ZNF341: variants seen among roughly 807,000 people sequenced by gnomAD.
ZNF341 encodes zinc finger protein 341.
A neutral mutation model predicts 87.7 loss-of-function variants in ZNF341; 52 were observed. The ratio of observed to expected loss-of-function variants is 0.59; its 90% CI spans 0.47 to 0.75. The LOEUF is 0.75. Ranked by LOEUF, ZNF341 falls within the 30% of genes least tolerant of loss-of-function variation. The probability of loss-of-function intolerance (pLI) is 0.00; values close to 1 mark genes in which losing one functional copy is unlikely to be tolerated. For missense variants in ZNF341, 977 were observed against 1,145.9 expected, an observed-to-expected ratio of 0.85 and a Z score of 2.13; for synonymous variants, 459 against 472.7, an observed-to-expected ratio of 0.97 and a Z score of 0.38.
rs576074591 is a variant in ZNF341 at position 33,733,059 on chromosome 20, T to G, written c.31+1007T>G. On this transcript the variant is annotated intron_variant, in intron 1 of 14. Coordinates refer to ENST00000375200, the MANE Select transcript of ZNF341 (RefSeq NM_001282933.2). Reference sequence around the variant, plus strand: ...CTCAGCCACTCCCTGCACTTTTTAATTTTTTGAGACGGAGTCTCACTCTGT... The same window carrying G: ...CTCAGCCACTCCCTGCACTTTTTAAGTTTTTGAGACGGAGTCTCACTCTGT... Among the ~76,000 whole-genome samples, 7 of 152,242 alleles carry G rather than the reference T, an allele frequency of 4.6e-5. No individual in the cohort carries two copies. In the South Asian group the frequency reaches 1.5e-3, roughly 32 times the overall value.
intron 2 of ZNF341, among the ~76,000 whole-genome samples, chr20:33,742,252 A>G (rs2018817091): frequency 6.6e-6 from 1 of 152,172 alleles, no homozygotes; most frequent in Non-Finnish European, 1.5e-5. Context: ...GCTGGAGTGC[A>G]GTGGCGCGAT....
At chr20:33,747,614 CAAAAAAAA>C (rs773781002) in intron 3 of ZNF341, among the ~76,000 whole-genome samples, 3 of 15,628 alleles carry the variant, frequency 1.9e-4, no homozygotes, top group South Asian at 2.9e-3. Context: ...GACTCCGTCT[CAAAAAAAA>C]AAAAAAAAAA....
chr20:33,773,740 G>A (rs994999475), intron 10 of ZNF341, among the ~76,000 whole-genome samples: 19 of 152,144 alleles, frequency 1.2e-4, no homozygotes, highest in African/African-American at 4.6e-4. Context: ...AAGTTTGGCT[G>A]CATGCAGTAG....
At chr20:33,789,054 G>A in intron 13 of ZNF341, 80 bp downstream of exon 13, 14 of 1,117,008 alleles carry the variant, frequency 1.3e-5, no homozygotes, top group Non-Finnish European at 1.8e-5. Context: ...TGGGACAGAT[G>A]TCAGGCCTGA....
intron 10 of ZNF341, among the ~76,000 whole-genome samples, chr20:33,771,022 T>G (rs1177327051): frequency 1.3e-5 from 2 of 152,036 alleles, no homozygotes; most frequent in Admixed American, 1.3e-4. Flanking sequence ...CTTGGGAGGC[T>G]GAGGCAGGAG....
intron 1 of ZNF341, among the ~76,000 whole-genome samples, chr20:33,735,959 C>A (rs542568341): frequency 6.6e-6 from 1 of 151,750 alleles, no homozygotes; most frequent in African/African-American, 2.4e-5. Context: ...TTTTTTCACC[C>A]GTCATAATTC....
intron 5 of ZNF341, among the ~76,000 whole-genome samples, chr20:33,755,307 A>G (rs2019154165): frequency 6.6e-6 from 1 of 151,936 alleles, no homozygotes; most frequent in Non-Finnish European, 1.5e-5. Flanking sequence ...AAACCAGGCA[A>G]GGTATTTCTG....
intron 10 of ZNF341, 30 bp downstream of exon 10, chr20:33,770,322 GT>G: frequency 7.0e-7 from 1 of 1,438,244 alleles, no homozygotes; most frequent in Non-Finnish European, 9.7e-7. Flanking sequence ...CTCTCCCTGG[GT>G]GGACGGGTGG....
In ZNF341 at chr20:33,791,494, G is replaced by A. The variant is rs143727353; in HGVS notation, c.2542G>A (p.Val848Ile). 2.3e-4 allele frequency: 360 copies of A among 1,573,676 alleles called. 1 individual carries two copies. The African/African-American group carries it at 3.7e-3, about 16-fold the overall frequency. ...EGPCAMLAVP[V>I]YIQASE ...CCCATGTGCCATGCTCGCTGTGCCC[G>A]TCTACATCCAGGCCTCCGAGTGACG... The change falls in exon 15 of 15, where the codon GTC (valine) becomes ATC (isoleucine). Residue 848 changes from valine to isoleucine, a missense_variant. Coordinates refer to ENST00000375200, the MANE Select transcript of ZNF341 (RefSeq NM_001282933.2).
At chr20:33,769,481 G>A (rs2019480200) in intron 9 of ZNF341, among the ~76,000 whole-genome samples, 1 of 152,270 alleles carries the variant, frequency 6.6e-6, no homozygotes, top group East Asian at 1.9e-4. Flanking sequence ...GACATTGAAA[G>A]GGTATACACT....
intron 4 of ZNF341, among the ~76,000 whole-genome samples, chr20:33,751,883 C>A (rs925980938): frequency 6.6e-6 from 1 of 152,112 alleles, no homozygotes; most frequent in Non-Finnish European, 1.5e-5. Context: ...GCCAGGGTTT[C>A]TGTTAGGGAT....
intron 1 of ZNF341, among the ~76,000 whole-genome samples, chr20:33,739,369 G>A (rs1669104812): frequency 6.6e-6 from 1 of 152,240 alleles, no homozygotes; most frequent in Admixed American, 6.5e-5. Flanking sequence ...TCGGCTGTGG[G>A]GTCATAGAGA....
chr20:33,769,451 G>A (rs2019479523), intron 9 of ZNF341, among the ~76,000 whole-genome samples: 2 of 152,110 alleles, frequency 1.3e-5, no homozygotes, highest in Admixed American at 1.3e-4. Flanking sequence ...GCTCCAGTTT[G>A]AGAGCCGGTA....
At chr20:33,742,978 G>A (rs2018835078) in intron 2 of ZNF341, among the ~76,000 whole-genome samples, 1 of 151,714 alleles carries the variant, frequency 6.6e-6, no homozygotes, top group Admixed American at 6.6e-5. Context: ...GATCATGCCT[G>A]TGAATAGCCA....
At chr20:33,766,026 G>A (rs367544643) in intron 8 of ZNF341, among the ~76,000 whole-genome samples, 2 of 152,134 alleles carry the variant, frequency 1.3e-5, no homozygotes, top group South Asian at 2.1e-4. Flanking sequence ...GGGATTACAG[G>A]TGTGCGTCAC....
At chr20:33,775,344 C>T (rs1181806028) in intron 10 of ZNF341, among the ~76,000 whole-genome samples, 10 of 151,184 alleles carry the variant, frequency 6.6e-5, no homozygotes, top group Non-Finnish European at 1.0e-4. Context: ...CTAGTAGCTG[C>T]GACTACAAGG....
intron 1 of ZNF341, among the ~76,000 whole-genome samples, chr20:33,734,329 A>C (rs1332597864): frequency 6.6e-6 from 1 of 152,198 alleles, no homozygotes; most frequent in Non-Finnish European, 1.5e-5. Context: ...GGTTTTCAGC[A>C]GGGGAGCAGC....
rs147780576 is a variant in ZNF341, at chr20:33,758,899, G to A, written c.1028+93G>A. On this transcript the variant is annotated intron_variant, in intron 7 of 14. Coordinates refer to ENST00000375200, the MANE Select transcript of ZNF341 (RefSeq NM_001282933.2). ...AGACTCCCTTCTCAGCCCCTAGCCT[G>A]TGGGGTGACCCAGGCTGCACTTGCA... is the stretch of plus-strand genomic sequence containing the variant. 7 of 1,136,280 alleles carry A rather than the reference G, an allele frequency of 6.2e-6. 1 individual carries two copies. The African/African-American group carries it at 1.1e-4, about 17-fold the overall frequency. The allele number at this position is 1,136,280 out of a possible 1,614,324, so 70.4% of individuals were successfully genotyped here.
chr20:33,735,244 T>C (rs1385136605), intron 1 of ZNF341, among the ~76,000 whole-genome samples: 1 of 152,192 alleles, frequency 6.6e-6, no homozygotes, highest in African/African-American at 2.4e-5. Context: ...TTGGCCAGGC[T>C]AGTCTCGAAC....
Sources: allele counts gnomAD v4.1 joint callset (sites outside exome capture counted in the v4.1 genomes callset), GRCh38; gene constraint gnomAD v4.1.1; transcripts MANE v1.5; gene names NCBI Gene and HGNC (gene_info 2026-07-23, HGNC 2026-07-21).